The following DLX5 variants were observed in gnomAD, a reference collection of about 807,000 sequenced individuals.
DLX5 encodes homeobox protein DLX-5.
In DLX5, 8 loss-of-function variants were observed where a neutral mutation model predicts 27.1. That is an observed-to-expected ratio of 0.30 (90% CI 0.17 to 0.53). The LOEUF is 0.53. Ranked by LOEUF, DLX5 falls within the 20% of genes least tolerant of loss-of-function variation. The pLI, the probability that DLX5 is intolerant of heterozygous loss-of-function variation, is 0.95. For synonymous variants in DLX5, 178 were observed against 161.9 expected, an observed-to-expected ratio of 1.10 and a Z score of -0.75; for missense variants, 339 against 375.1, an observed-to-expected ratio of 0.90 and a Z score of 0.80.
At position 97,021,917 on chromosome 7, in the gene DLX5, G is replaced by A. The variant is rs914817128; in HGVS notation, c.540+268C>T. 6.7e-6 allele frequency: 4 copies of A among 601,188 alleles called. No individual in the cohort carries two copies. In the African/African-American group the frequency reaches 7.4e-5, roughly 11 times the overall value. The allele number at this position is 601,188 out of a possible 1,614,324, so 37.2% of individuals were successfully genotyped here. ...AACCCTCCGCTTGCTTTCAACCCGC[G>A]AAATTGGCCCCACAGCTCCGGAGGC... On this transcript the variant is annotated intron_variant, in intron 2 of 2. Transcript: ENST00000648378.
rs1352161698 is a variant in DLX5 at position 97,024,339 on chromosome 7, A to G, written c.285T>C (p.Tyr95=). 7.4e-6 allele frequency: 12 copies of G among 1,614,086 alleles called. No individual in the cohort carries two copies. The highest frequency in any genetic ancestry group is 1.3e-5 in the African/African-American group (1 of 74,922). ...ACTGGTGGTAGGAGCTAGCGTAGCT[A>G]TAGTCGGCATAAGCTTTGGCTGGGT... ...GSYPAKAYAD[Y]SYASSYHQYG... Residue 95 remains tyrosine, a synonymous_variant, in exon 1 of 3, where the codon TAT becomes TAC. Coordinates refer to ENST00000648378, the MANE Select transcript of DLX5 (RefSeq NM_005221.6). The surrounding 1 kb of genome is among the most constrained non-coding windows in gnomAD (Gnocchi z 4.6).
In DLX5 at chr7:97,024,328, C is replaced by G. The variant is rs1371401203; in HGVS notation, c.296G>C (p.Ser99Thr). 6.2e-7 allele frequency: 1 copy of G among 1,614,256 alleles called. No individual in the cohort carries two copies. The highest frequency in any genetic ancestry group is 8.5e-7 in the Non-Finnish European group (1 of 1,180,048). ...AKAYADYSYASSYHQYGGAYN... is the reference protein window; with the variant it reads ...AKAYADYSYATSYHQYGGAYN... Reference sequence around the variant, plus strand: ...GGCGCCGCCGTACTGGTGGTAGGAGCTAGCGTAGCTATAGTCGGCATAAGC... The same window carrying G: ...GGCGCCGCCGTACTGGTGGTAGGAGGTAGCGTAGCTATAGTCGGCATAAGC... Residue 99 changes from serine (S) to threonine (T), a missense_variant, in exon 1 of 3, where the codon AGC (serine) becomes ACC (threonine). Ser to Thr is a moderately conservative substitution (Grantham distance 58, BLOSUM62 1). Coordinates refer to ENST00000648378, the MANE Select transcript of DLX5 (RefSeq NM_005221.6). The surrounding 1 kb of genome is among the most constrained non-coding windows in gnomAD (Gnocchi z 4.6).
intron 2 of DLX5, 101 bp downstream of exon 2, chr7:97,022,084 G>C (rs1790078776): frequency 1.4e-6 from 2 of 1,394,586 alleles, no homozygotes; most frequent in Non-Finnish European, 2.0e-6. Context: ...AGTTTCTCAC[G>C]GGTACTGTCA....
chr7:97,024,132 G>A lies in DLX5; in HGVS notation c.355+137C>T. ...GCCCGAGAAACTCTCTTTGTTGGAG[G>A]GTCTGAGTCCTACTCCCTTCTGCCG... On this transcript the variant is annotated intron_variant, in intron 1 of 2. Transcript: ENST00000648378. The surrounding 1 kb of genome is among the most constrained non-coding windows in gnomAD (Gnocchi z 4.6). The A allele has an allele frequency of 1.3e-6, 1 of 751,022 alleles. No individual in the cohort carries two copies. 46.5% of individuals were successfully genotyped at this position (751,022 alleles called of 1,614,324 possible).
chr7:97,022,712 CGCCCCTCCCCAGGCTTCAAGAACACCA>C (rs903463137), intron 1 of DLX5: 6 of 465,590 alleles, frequency 1.3e-5, no homozygotes, highest in African/African-American at 2.1e-5. Context: ...TCCGCGTTTC[CGCCCCTCCCCAGGCTTCAAGAACACCA>C]GCCCCTCCCC....
intron 1 of DLX5, 173 bp from the exon 2 acceptor site, chr7:97,022,542 G>A (rs1790092543): frequency 2.0e-6 from 2 of 985,242 alleles, no homozygotes; most frequent in Admixed American, 6.1e-5. Context: ...CCCCAAATAT[G>A]GAAAAGCGGG....
At chr7:97,022,496 C>A in intron 1 of DLX5, 127 bp from the exon 2 acceptor site, 2 of 1,503,888 alleles carry the variant, frequency 1.3e-6, no homozygotes, top group South Asian at 2.7e-5. Context: ...ATCACCACCA[C>A]CTTTGCTTTT....
chr7:97,020,623 C>G lies in DLX5; in HGVS notation c.*113G>C. The G allele has an allele frequency of 8.9e-7, 1 of 1,119,566 alleles. No individual in the cohort carries two copies. The highest frequency in any genetic ancestry group is 1.2e-6 in the Non-Finnish European group (1 of 826,110). The allele number at this position is 1,119,566 out of a possible 1,614,324, so 69.4% of individuals were successfully genotyped here. On this transcript the variant is annotated 3_prime_UTR_variant, in exon 3 of 3. Coordinates refer to ENST00000648378, the MANE Select transcript of DLX5 (RefSeq NM_005221.6). Reference sequence around the variant, plus strand: ...CTTACATGCAAAAAAAAGCTTTACACATGAATCTTTTTCAGTTTTCCGAAC... The same window carrying G: ...CTTACATGCAAAAAAAAGCTTTACAGATGAATCTTTTTCAGTTTTCCGAAC...
chr7:97,024,653 T>G lies in DLX5; in HGVS notation c.-30A>C. On this transcript the variant is annotated 5_prime_UTR_variant, in exon 1 of 3. Transcript: ENST00000648378. This position sits in a 1 kb window ranked among gnomAD's most constrained non-coding sequence, Gnocchi z 4.6. ...CACGGGCGGCGGCAGCGGCTGTCCTTGCTGTTGTGGCGGCGGCAGCTGCCC... is the reference window on the plus strand; with the variant it reads ...CACGGGCGGCGGCAGCGGCTGTCCTGGCTGTTGTGGCGGCGGCAGCTGCCC... 1 of 1,561,482 alleles carries G rather than the reference T, an allele frequency of 6.4e-7. No individual in the cohort carries two copies. Among genetic ancestry groups the G allele is most frequent in the Non-Finnish European group, 8.7e-7 (1 of 1,150,572 alleles).
rs766857960 is a variant in DLX5, at chr7:97,024,277, T to C, written c.347A>G (p.Asn116Ser). ...GAYNRVPSAT[N>S]QPEKEVTEPE... Reference sequence around the variant, plus strand: ...TCCCCCTGTCCATGTACCTGGCTGGTTGGTGGCGCTTGGGACGCGGTTGTA... The same window carrying C: ...TCCCCCTGTCCATGTACCTGGCTGGCTGGTGGCGCTTGGGACGCGGTTGTA... Residue 116 changes from asparagine (N) to serine (S), a missense_variant, in exon 1 of 3, where the codon AAC becomes AGC. Coordinates refer to ENST00000648378, the MANE Select transcript of DLX5 (RefSeq NM_005221.6). This position sits in a 1 kb window ranked among gnomAD's most constrained non-coding sequence, Gnocchi z 4.6. 6.2e-7 allele frequency: 1 copy of C among 1,613,072 alleles called. No individual in the cohort carries two copies. The highest frequency in any genetic ancestry group is 8.5e-7 in the Non-Finnish European group (1 of 1,179,308).
At position 97,024,183 on chromosome 7, in the gene DLX5, C is replaced by T; in HGVS notation, c.355+86G>A. 6.0e-6 allele frequency: 8 copies of T among 1,341,136 alleles called. No homozygotes were observed. The highest frequency in any genetic ancestry group is 7.1e-6 in the Non-Finnish European group (7 of 984,252). The allele number at this position is 1,341,136 out of a possible 1,614,324, so 83.1% of individuals were successfully genotyped here. A position where few individuals can be genotyped will look rare whatever the true frequency, so the allele number is the denominator to read the frequency against. The stretch of plus-strand genomic sequence containing the variant: ...CGTGCGCCCCCACTGCCGTGAACCG[C>T]TGTGACCCCCAATCTACCACCCCAT... On this transcript the variant is annotated intron_variant, in intron 1 of 2. Transcript: ENST00000648378. The surrounding 1 kb of genome is among the most constrained non-coding windows in gnomAD (Gnocchi z 4.6).
intron 1 of DLX5, among the ~76,000 whole-genome samples, chr7:97,023,976 C>G (rs1179242711): frequency 6.6e-6 from 1 of 152,214 alleles, no homozygotes; most frequent in African/African-American, 2.4e-5. Context: ...TATCCCCTTT[C>G]CAGCCTAGCC....
At chr7:97,023,038 A>G (rs1247768488) in intron 1 of DLX5, among the ~76,000 whole-genome samples, 1 of 151,802 alleles carries the variant, frequency 6.6e-6, no homozygotes, top group African/African-American at 2.4e-5. Flanking sequence ...AAAAAAAAAA[A>G]AAAAAGAAAT....
chr7:97,024,284 C>A lies in DLX5; in HGVS notation c.340G>T (p.Ala114Ser). 6.2e-7 allele frequency: 1 copy of A among 1,613,250 alleles called. No individual in the cohort carries two copies. Among genetic ancestry groups the A allele is most frequent in the Non-Finnish European group, 8.5e-7 (1 of 1,179,448 alleles). Residue 114 changes from alanine (A) to serine (S), a missense_variant, in exon 1 of 3, where the codon GCC becomes TCC. Physicochemically the swap from Ala to Ser is moderately conservative, Grantham distance 99 (BLOSUM62 1). Coordinates refer to ENST00000648378, the MANE Select transcript of DLX5 (RefSeq NM_005221.6). This position sits in a 1 kb window ranked among gnomAD's most constrained non-coding sequence, Gnocchi z 4.6. ...YGGAYNRVPS[A>S]TNQPEKEVTE... Reference sequence around the variant, plus strand: ...GTCCATGTACCTGGCTGGTTGGTGGCGCTTGGGACGCGGTTGTAGGCGCCG... The same window carrying A: ...GTCCATGTACCTGGCTGGTTGGTGGAGCTTGGGACGCGGTTGTAGGCGCCG...
chr7:97,021,419 C>T lies in DLX5; in HGVS notation c.541-354G>A, dbSNP rs546456083. ...CCTGCGCAGGACGCGCGGAACGCGG[C>T]GAAGGTCTCCAAAACAATCGCGCGA... On this transcript the variant is annotated intron_variant, in intron 2 of 2. Coordinates refer to ENST00000648378, the MANE Select transcript of DLX5 (RefSeq NM_005221.6). Among the ~76,000 whole-genome samples the T allele has an allele frequency of 5.3e-5, 8 of 152,162 alleles. 1 individual carries two copies. In the South Asian group the frequency reaches 1.7e-3, roughly 32 times the overall value.
intron 2 of DLX5, among the ~76,000 whole-genome samples, 200 bp from the exon 3 acceptor site, chr7:97,021,265 G>A (rs1363571632): frequency 6.6e-6 from 1 of 152,192 alleles, no homozygotes. Flanking sequence ...CGCCCTGGCC[G>A]GCTCGGGGCG....
rs1229525026 is a variant in DLX5, at chr7:97,020,523, CA to C, written c.*212del. The C allele has an allele frequency of 2.3e-6, 1 of 436,996 alleles. No individual in the cohort carries two copies. Among genetic ancestry groups the C allele is most frequent in the Non-Finnish European group, 4.0e-6 (1 of 250,254 alleles). The allele number at this position is 436,996 out of a possible 1,614,324, so 27.1% of individuals were successfully genotyped here. Reference sequence around the variant, plus strand: ...AAAGTTGAGGTCATAGATTTCAAGGCACCATTGAAAGTGTCCACAGTTGCGC... The same window carrying C: ...AAAGTTGAGGTCATAGATTTCAAGGCCCATTGAAAGTGTCCACAGTTGCGC... On this transcript the variant is annotated 3_prime_UTR_variant, in exon 3 of 3. Transcript: ENST00000648378.
chr7:97,023,821 C>T (rs1790128295), intron 1 of DLX5, among the ~76,000 whole-genome samples: 1 of 147,424 alleles, frequency 6.8e-6, no homozygotes, highest in Non-Finnish European at 1.5e-5. Flanking sequence ...CTTGTGGCGG[C>T]TCTCAAACTA....
rs1790083624 is a variant in DLX5, at chr7:97,022,217, G to C, written c.508C>G (p.Leu170Val). Residue 170 changes from leucine (L) to valine (V), a missense_variant, in exon 2 of 3, where the codon CTG (leucine) becomes GTG (valine). Transcript: ENST00000648378. ...QYLALPERAE[L>V]AASLGLTQTQ... ...TGTGTCAATCCCAGCGAGGCGGCCA[G>C]CTCGGCGCGTTCCGGCAAGGCGAGG... 6.2e-7 allele frequency: 1 copy of C among 1,614,242 alleles called. No homozygotes were observed. Among genetic ancestry groups the C allele is most frequent in the South Asian group, 1.1e-5 (1 of 91,092 alleles).
Sources: gnomAD v4.1 joint callset for allele counts (sites outside exome capture counted in the v4.1 genomes callset) on GRCh38, gnomAD v4.1.1 for gene constraint, Gnocchi (gnomAD v3.1) non-coding constraint, MANE v1.5 for transcripts, NCBI Gene and HGNC (gene_info 2026-07-23, HGNC 2026-07-21) for gene names.